The following LY6G5B variants were observed in gnomAD, a reference collection of about 807,000 sequenced individuals.
The protein encoded by LY6G5B is lymphocyte antigen 6 complex locus protein G5b.
LY6G5B carries 6 observed loss-of-function variants against 6.7 expected under a neutral mutation model. The ratio of observed to expected loss-of-function variants is 0.89; its 90% CI spans 0.49 to 1.76. The LOEUF (loss-of-function observed/expected upper bound fraction) is 1.76. LY6G5B is among the 40% of genes most tolerant of loss of function. The pLI is 0.01. For missense variants in LY6G5B, 240 were observed against 249.5 expected, an observed-to-expected ratio of 0.96 and a Z score of 0.26; for synonymous variants, 98 against 99.4, an observed-to-expected ratio of 0.99 and a Z score of 0.09.
At chr6:31,672,146 G>A in exon 3 of LY6G5B, 1 of 1,613,088 alleles carries the variant, frequency 6.2e-7, no homozygotes, top group Non-Finnish European at 8.5e-7. Context: ...GAGCCTGATG[G>A]CCTGGACCCC....
At chr6:31,671,682 A>T (rs985704581) in intron 2 of LY6G5B, among the ~76,000 whole-genome samples, 182 bp from the exon 3 acceptor site, 8 of 151,936 alleles carry the variant, frequency 5.3e-5, no homozygotes, top group African/African-American at 1.9e-4. Context: ...AAACCAGAAG[A>T]ATCTTGGAAG....
chr6:31,672,129 T>C lies in LY6G5B; in HGVS notation c.453T>C (p.Ala151=), dbSNP rs11961444. The C allele has an allele frequency of 3.4e-3, 5,408 of 1,613,126 alleles. 139 individuals are homozygous for C. The African/African-American group carries it at 0.062, about 18-fold the overall frequency. The change falls in exon 3 of 3, where the codon GCT becomes GCC. Residue 151 remains alanine (A), a synonymous_variant. Transcript: ENST00000375864. ...CCCTGCCCCTCCCCAATTTCCATGC[T>C]GGGACGGAGCCTGATGGCCTGGACC...
At chr6:31,671,210 T>C (rs1802185483) in exon 2 of LY6G5B, 5 of 1,613,964 alleles carry the variant, frequency 3.1e-6, no homozygotes, top group Admixed American at 1.7e-5. Flanking sequence ...GACCCTTCTG[T>C]AGGATGCATT....
exon 3 of LY6G5B, chr6:31,672,039 C>G: frequency 6.2e-7 from 1 of 1,613,084 alleles, no homozygotes; most frequent in Middle Eastern, 1.6e-4. Flanking sequence ...AGCCCCATGA[C>G]AGGCCCCTGG....
exon 1 of LY6G5B, chr6:31,670,353 C>T (rs565850458): frequency 5.5e-6 from 1 of 182,128 alleles, no homozygotes; most frequent in African/African-American, 2.3e-5. Context: ...TAATCAGCAG[C>T]TCCATCTTTT....
exon 3 of LY6G5B, chr6:31,672,139 C>A (rs758513097): frequency 6.2e-7 from 1 of 1,613,112 alleles, no homozygotes; most frequent in South Asian, 1.1e-5. Flanking sequence ...TGGGACGGAG[C>A]CTGATGGCCT....
chr6:31,671,436 G>A, intron 2 of LY6G5B, 152 bp downstream of exon 2: 1 of 1,160,122 alleles, frequency 8.6e-7, no homozygotes, highest in Non-Finnish European at 1.2e-6. Context: ...AGCACTTTGG[G>A]AGGCTGAGGC....
exon 3 of LY6G5B, chr6:31,672,646 A>G: frequency 4.3e-6 from 1 of 231,102 alleles, no homozygotes; most frequent in Non-Finnish European, 8.5e-6. Flanking sequence ...GGGTTTCACC[A>G]TGTTGGTCAG....
chr6:31,669,988 G>A (rs1802071256), upstream of LY6G5B: 2 of 1,386,140 alleles, frequency 1.4e-6, no homozygotes, highest in Non-Finnish European at 2.0e-6. This position sits in a 1 kb window ranked among gnomAD's most constrained non-coding sequence, Gnocchi z 4.8. Context: ...ACCCTTTCAG[G>A]AACCCTGTAT....
At chr6:31,672,451 T>G (rs1250222822) in exon 3 of LY6G5B, 1 of 789,936 alleles carries the variant, frequency 1.3e-6, no homozygotes, top group African/African-American at 1.7e-5. Flanking sequence ...GGTGCTGTTT[T>G]TTTGTTTGTT....
exon 1 of LY6G5B, chr6:31,670,798 G>A (rs1380254909): frequency 2.7e-6 from 2 of 748,010 alleles, no homozygotes; most frequent in Non-Finnish European, 4.4e-6. Context: ...CCAGGATCCT[G>A]CCCCAAGTAG....
exon 2 of LY6G5B, chr6:31,671,226 C>T (rs1487835617): frequency 6.2e-7 from 1 of 1,614,030 alleles, no homozygotes; most frequent in Non-Finnish European, 8.5e-7. Flanking sequence ...GCATTTCAGG[C>T]TCAGAGAAGT....
intron 1 of LY6G5B, 42 bp from the exon 2 acceptor site, chr6:31,671,114 G>T (rs773496672): frequency 4.3e-6 from 7 of 1,613,330 alleles, no homozygotes; most frequent in Non-Finnish European, 5.9e-6. Flanking sequence ...CAGGGTATTT[G>T]AGAGTGACCC....
chr6:31,672,261 C>CT lies in LY6G5B; in HGVS notation c.587dup (p.Leu196PhefsTer27), dbSNP rs765825024. 1.9e-6 allele frequency: 3 copies of CT among 1,612,740 alleles called. No homozygotes were observed. The South Asian group carries it at 3.3e-5, about 18-fold the overall frequency. On this transcript the variant is annotated frameshift_variant, in exon 3 of 3. Coordinates refer to ENST00000375864, the Ensembl canonical transcript of LY6G5B. LOFTEE classifies it low-confidence loss of function (END_TRUNC). ...TTTTGGTTCTTCCCCAGGCTGGACT[C>CT]TTGACACCTCACCCTTCCTGAATTC...
exon 3 of LY6G5B, chr6:31,672,075 T>A: frequency 6.2e-7 from 1 of 1,613,050 alleles, no homozygotes; most frequent in Non-Finnish European, 8.5e-7. Context: ...ACTCCCAGAT[T>A]CAGTGGTTCT....
In LY6G5B at chr6:31,671,414, G is replaced by T. The variant is rs922835048; in HGVS notation, c.187+130G>T. 1.9e-4 allele frequency: 255 copies of T among 1,353,500 alleles called. 3 individuals carry two copies. The highest frequency in any genetic ancestry group is 7.5e-4 in the Middle Eastern group (3 of 4,022). 83.8% of individuals were successfully genotyped at this position (1,353,500 alleles called of 1,614,324 possible). A position where few individuals can be genotyped will look rare whatever the true frequency, so the allele number is the denominator to read the frequency against. On this transcript the variant is annotated intron_variant, in intron 2 of 2. Coordinates refer to ENST00000375864, the Ensembl canonical transcript of LY6G5B. The stretch of plus-strand genomic sequence containing the variant: ...GGAGGGGCTGAGTGCAATGGCTCAT[G>T]CCTGTAACCCTAGCACTTTGGGAGG...
chr6:31,671,165 C>G, exon 2 of LY6G5B: 1 of 1,614,054 alleles, frequency 6.2e-7, no homozygotes, highest in Non-Finnish European at 8.5e-7. Flanking sequence ...GTTCCTGTTC[C>G]CGACATCCGG....
chr6:31,671,888 G>C (rs1286896800), exon 3 of LY6G5B: 3 of 1,609,648 alleles, frequency 1.9e-6, no homozygotes, highest in Admixed American at 3.3e-5. Flanking sequence ...TTCATCGTTC[G>C]AGGCTGTGGA....
In LY6G5B at chr6:31,671,996, G is replaced by A. The variant is rs1271880494; in HGVS notation, c.320G>A (p.Trp107Ter). The change falls in exon 3 of 3, where the codon TGG becomes TAG. Residue 107 changes from tryptophan (W) to a stop codon, truncating the protein, a stop_gained. Transcript: ENST00000375864. LOFTEE classifies it low-confidence loss of function (END_TRUNC). ...TGTCAGTACGATTATTGCAACTCCT[G>A]GTCAAGCCCCCAACTCCAGAGCTCT... 1 of 1,613,082 alleles carries A rather than the reference G, an allele frequency of 6.2e-7. No individual in the cohort carries two copies. Among genetic ancestry groups the A allele is most frequent in the Non-Finnish European group, 8.5e-7 (1 of 1,180,024 alleles).
Sources: gnomAD v4.1 joint callset for allele counts (sites outside exome capture counted in the v4.1 genomes callset) on GRCh38, gnomAD v4.1.1 for gene constraint, Gnocchi (gnomAD v3.1) non-coding constraint, MANE v1.5 for transcripts, NCBI Gene and HGNC (gene_info 2026-07-23, HGNC 2026-07-21) for gene names.